RIPOR3: variants seen among roughly 807,000 people sequenced by gnomAD.
RIPOR3 encodes the protein RIPOR family member 3, also known as family with sequence similarity 65 member C.
A neutral mutation model predicts 114.3 loss-of-function variants in RIPOR3; 95 were observed. The ratio of observed to expected loss-of-function variants is 0.83; its 90% CI spans 0.70 to 0.99. The LOEUF (loss-of-function observed/expected upper bound fraction) is 0.99. Among genes scored for constraint, RIPOR3 ranks in the 50% least tolerant of loss-of-function variants. The pLI, the probability that RIPOR3 is intolerant of heterozygous loss-of-function variation, is 0.00. For synonymous variants in RIPOR3, 575 were observed against 543.8 expected, an observed-to-expected ratio of 1.06 and a Z score of -0.80; for missense variants, 1,252 against 1,266.9, an observed-to-expected ratio of 0.99 and a Z score of 0.18.
chr20:50,656,983 C>G (rs946007955), intron 1 of RIPOR3, among the ~76,000 whole-genome samples: 5 of 152,186 alleles, frequency 3.3e-5, no homozygotes, highest in Non-Finnish European at 7.3e-5. Flanking sequence ...AGGATGAATT[C>G]TCAGAAGTTA....
At chr20:50,679,840 C>T (rs979331622) in intron 1 of RIPOR3, among the ~76,000 whole-genome samples, 3 of 151,990 alleles carry the variant, frequency 2.0e-5, no homozygotes, top group Admixed American at 1.3e-4. Context: ...ACCTGTAGTC[C>T]CAGCTACCCA....
intron 11 of RIPOR3, among the ~76,000 whole-genome samples, chr20:50,606,481 G>A (rs2083720265): frequency 6.6e-6 from 1 of 152,162 alleles, no homozygotes; most frequent in Non-Finnish European, 1.5e-5. Context: ...CAGCCCTCCT[G>A]CCTCCAACCA....
chr20:50,592,888 G>T, intron 18 of RIPOR3, 147 bp downstream of exon 18: 3 of 1,100,990 alleles, frequency 2.7e-6, no homozygotes, highest in Non-Finnish European at 3.9e-6. Context: ...CCCATCGGCT[G>T]AACGCAGAAT....
At chr20:50,613,756 C>T (rs79355469) in intron 4 of RIPOR3, among the ~76,000 whole-genome samples, 7,440 of 152,292 alleles carry the variant, frequency 0.049, 258 homozygotes, top group Middle Eastern at 0.092. Context: ...ACGAAGTCCA[C>T]GGGGTGAGAC....
intron 1 of RIPOR3, among the ~76,000 whole-genome samples, chr20:50,669,742 A>G (rs962266554): frequency 2.0e-5 from 3 of 152,058 alleles, no homozygotes; most frequent in African/African-American, 7.2e-5. Context: ...GATGGGCTCA[A>G]TGTGTTCTTG....
chr20:50,606,927 G>A lies in RIPOR3; in HGVS notation c.956+1462C>T, dbSNP rs188677005. 9.9e-5 allele frequency among the ~76,000 whole-genome samples: 15 copies of A among 152,124 alleles called. 1 individual carries two copies. In the East Asian group the frequency reaches 2.3e-3, roughly 24 times the overall value. ...GTGTTTTTAGTAGAGATGGGGTTTC[G>A]CCTTGTTGGCCAGGCTGGTCTCGAA... On this transcript the variant is annotated intron_variant, in intron 11 of 21. Coordinates refer to ENST00000327979, the MANE Select transcript of RIPOR3 (RefSeq NM_001290268.2).
intron 1 of RIPOR3, among the ~76,000 whole-genome samples, chr20:50,663,088 C>G (rs1032498959): frequency 7.8e-6 from 1 of 128,306 alleles, no homozygotes; most frequent in African/African-American, 3.1e-5. Context: ...CAGAGAGAGA[C>G]TGTCTCAAAA....
At chr20:50,637,062 T>A (rs1423380766) in intron 1 of RIPOR3, among the ~76,000 whole-genome samples, 1 of 152,154 alleles carries the variant, frequency 6.6e-6, no homozygotes, top group Non-Finnish European at 1.5e-5. Flanking sequence ...AATGTGAGTT[T>A]ACACAGAAGA....
intron 1 of RIPOR3, among the ~76,000 whole-genome samples, chr20:50,675,798 G>C (rs1235181092): frequency 6.6e-6 from 1 of 152,236 alleles, no homozygotes; most frequent in Non-Finnish European, 1.5e-5. Context: ...CAGCACACCA[G>C]TGCCTGGAGG....
At chr20:50,594,395 A>C (rs1263748142) in intron 17 of RIPOR3, among the ~76,000 whole-genome samples, 158 bp downstream of exon 17, 1 of 152,030 alleles carries the variant, frequency 6.6e-6, no homozygotes, top group Non-Finnish European at 1.5e-5. Flanking sequence ...AAGGGCGGTG[A>C]CTCGCACTGA....
rs144300885 is a variant in RIPOR3 at position 50,587,252 on chromosome 20, C to T, written c.2833G>A (p.Val945Ile). The T allele has an allele frequency of 4.0e-5, 65 of 1,614,086 alleles. No individual in the cohort carries two copies. In the East Asian group the frequency reaches 1.4e-3, roughly 35 times the overall value. Residue 945 changes from valine to isoleucine, a missense_variant, in exon 22 of 22, where the codon GTT becomes ATT. Transcript: ENST00000327979. ...ATTTTTTAAAATATTGTGATTTCAA[C>T]ATCTGCCTCCTGGCAAAAGACTTCT... Reference protein sequence around the residue: ...QREVFCQEADVEITIF With the variant: ...QREVFCQEADIEITIF
chr20:50,593,284 C>G (rs866788543), intron 17 of RIPOR3, 88 bp from the exon 18 acceptor site: 3 of 1,466,676 alleles, frequency 2.0e-6, no homozygotes, highest in Middle Eastern at 2.5e-4. Flanking sequence ...AGCTAAAAGG[C>G]TTTCTGGGCC....
At chr20:50,619,635 C>T (rs1488163490) in intron 3 of RIPOR3, among the ~76,000 whole-genome samples, 3 of 152,188 alleles carry the variant, frequency 2.0e-5, no homozygotes, top group South Asian at 2.1e-4. Flanking sequence ...TCTGCCGAGG[C>T]CCTCGACGCA....
In RIPOR3 at chr20:50,674,094, C is replaced by T. The variant is rs145507160; in HGVS notation, c.3+17032G>A. Among the ~76,000 whole-genome samples the T allele has an allele frequency of 3.7e-3, 570 of 152,252 alleles. 5 individuals carry two copies. Among genetic ancestry groups the T allele is most frequent in the African/African-American group, 0.013 (549 of 41,552 alleles). On this transcript the variant is annotated intron_variant, in intron 1 of 21. Coordinates refer to ENST00000327979, the MANE Select transcript of RIPOR3 (RefSeq NM_001290268.2). ...CATTATAAAGACAAGATTCCTTTTC[C>T]CCCGCTTTTTATAGCCTCTCTGGGT...
intron 3 of RIPOR3, among the ~76,000 whole-genome samples, chr20:50,618,761 C>A (rs376005358): frequency 1.2e-4 from 19 of 152,340 alleles, no homozygotes; most frequent in African/African-American, 4.1e-4. Flanking sequence ...TGTCCCCTGG[C>A]CTGGCACTCT....
At chr20:50,683,801 C>T (rs1056268205) in intron 1 of RIPOR3, among the ~76,000 whole-genome samples, 3 of 151,662 alleles carry the variant, frequency 2.0e-5, no homozygotes, top group Admixed American at 6.6e-5. Flanking sequence ...TAGAGGAGGC[C>T]GGGTGCAGTG....
intron 1 of RIPOR3, among the ~76,000 whole-genome samples, chr20:50,666,228 T>TTTCTTTTC (rs1286460463): frequency 5.5e-5 from 7 of 128,324 alleles, no homozygotes; most frequent in South Asian, 2.5e-4. Flanking sequence ...TTTTCTTTTT[T>TTTCTTTTC]GAGACGGAGT....
chr20:50,595,274 CTG>C, intron 16 of RIPOR3, 93 bp downstream of exon 16: 1 of 1,505,168 alleles, frequency 6.6e-7, no homozygotes. Context: ...CCGATTAACT[CTG>C]GCTATTAGGA....
intron 1 of RIPOR3, among the ~76,000 whole-genome samples, chr20:50,687,144 G>A (rs368163448): frequency 6.9e-4 from 105 of 152,326 alleles, no homozygotes; most frequent in African/African-American, 2.4e-3. Flanking sequence ...AGGACTAATC[G>A]GGAGCCGCTG....
Sources: allele counts gnomAD v4.1 joint callset (sites outside exome capture counted in the v4.1 genomes callset), GRCh38; gene constraint gnomAD v4.1.1; transcripts MANE v1.5; gene names NCBI Gene and HGNC (gene_info 2026-07-23, HGNC 2026-07-21).